The following DNM3 variants were observed in gnomAD, a reference collection of about 807,000 sequenced individuals.
The protein encoded by DNM3 is dynamin-3.
A neutral mutation model predicts 101.6 loss-of-function variants in DNM3; 47 were observed. The observed-to-expected ratio is 0.46, with a 90% CI of 0.37 to 0.59. The LOEUF (loss-of-function observed/expected upper bound fraction) is 0.59, where lower values mean the gene tolerates loss of function less well. Ranked by LOEUF, DNM3 falls within the 20% of genes least tolerant of loss-of-function variation. The pLI is 0.00. For missense variants in DNM3, 849 were observed against 1,085.7 expected (o/e 0.78, Z 3.06); for synonymous variants, 385 against 387.9 (o/e 0.99, Z 0.09).
At chr1:172,027,224 A>G (rs1331486168) in intron 4 of DNM3, among the ~76,000 whole-genome samples, 1 of 152,196 alleles carries the variant, frequency 6.6e-6, no homozygotes, top group Non-Finnish European at 1.5e-5. Flanking sequence ...TCATAATGAC[A>G]GGATCAAATT....
chr1:172,044,511 T>C, intron 9 of DNM3, 59 bp downstream of exon 9: 1 of 1,410,524 alleles, frequency 7.1e-7, no homozygotes, highest in South Asian at 1.3e-5. Context: ...AATTAATGTT[T>C]ATAAATGGCT....
intron 2 of DNM3, among the ~76,000 whole-genome samples, chr1:171,937,662 C>T (rs1160593742): frequency 1.3e-5 from 2 of 152,186 alleles, no homozygotes; most frequent in Non-Finnish European, 2.9e-5. Context: ...CTTGATCTCC[C>T]AGGCTCAACC....
At position 172,020,720 on chromosome 1, in the gene DNM3, T is replaced by TGAAAAA. The variant is rs1558433596; in HGVS notation, c.590-11682_590-11681insGAAAAA. 5.8e-4 allele frequency among the ~76,000 whole-genome samples: 24 copies of TGAAAAA among 41,280 alleles called. No homozygotes were observed. The African/African-American group carries it at 0.011, about 18-fold the overall frequency. 27.1% of individuals were successfully genotyped at this position (41,280 alleles called of 152,430 possible). On this transcript the variant is annotated intron_variant, in intron 4 of 20. Coordinates refer to ENST00000627582, the MANE Select transcript of DNM3 (RefSeq NM_015569.5). ...GCCTGGGCGACAGTGTGAGACTCCG[T>TGAAAAA]CAAAAAAAAAAAAAAAAAAAAAAAG...
chr1:172,346,464 G>A (rs918589055), intron 17 of DNM3, among the ~76,000 whole-genome samples: 13 of 152,172 alleles, frequency 8.5e-5, no homozygotes, highest in African/African-American at 2.2e-4. Flanking sequence ...AATCAGTGAA[G>A]ACATTTAAAC....
intron 1 of DNM3, among the ~76,000 whole-genome samples, chr1:171,866,215 T>G (rs2034730064): frequency 6.6e-6 from 1 of 151,060 alleles, no homozygotes; most frequent in Admixed American, 6.6e-5. Context: ...CTAAATACTC[T>G]TGACAGAATT....
At chr1:172,417,082 TTTG>T (rs537863464), downstream of DNM3, among the ~76,000 whole-genome samples, 461 of 152,212 alleles carry the variant, frequency 3.0e-3, 5 homozygotes, top group African/African-American at 0.011. Context: ...TGTTTTTGTT[TTTG>T]TTTTTTTTTT....
chr1:171,847,921 T>G (rs1457473122), intron 1 of DNM3, among the ~76,000 whole-genome samples: 1 of 151,910 alleles, frequency 6.6e-6, no homozygotes, highest in Non-Finnish European at 1.5e-5. Flanking sequence ...TGTGTGTGTG[T>G]GTGTGTGTGT....
intron 2 of DNM3, among the ~76,000 whole-genome samples, chr1:171,927,568 T>C (rs1482443796): frequency 2.0e-5 from 3 of 152,374 alleles, no homozygotes; most frequent in Admixed American, 2.0e-4. Context: ...CATATGTGAA[T>C]GTTCATTGTA....
intron 4 of DNM3, among the ~76,000 whole-genome samples, chr1:172,021,366 A>C (rs1016759491): frequency 5.3e-5 from 8 of 151,974 alleles, no homozygotes; most frequent in South Asian, 2.1e-4. Flanking sequence ...CCAGCTCCTC[A>C]GGAGGCTGAG....
At chr1:172,271,702 A>G (rs557203242) in intron 15 of DNM3, among the ~76,000 whole-genome samples, 3 of 152,278 alleles carry the variant, frequency 2.0e-5, no homozygotes, top group South Asian at 4.1e-4. Context: ...AATCATATCA[A>G]TGAGCTTTCT....
At chr1:172,232,151 A>G (rs576473520) in intron 14 of DNM3, among the ~76,000 whole-genome samples, 1 of 152,326 alleles carries the variant, frequency 6.6e-6, no homozygotes, top group Non-Finnish European at 1.5e-5. Flanking sequence ...CCCATCTCAC[A>G]TGCAGAGACA....
chr1:171,942,110 G>A (rs1246028917), intron 2 of DNM3, among the ~76,000 whole-genome samples: 1 of 151,638 alleles, frequency 6.6e-6, no homozygotes, highest in Non-Finnish European at 1.5e-5. Context: ...AGTGGACTTA[G>A]CAAAGGTGGC....
At chr1:171,959,264 T>G (rs1454212072) in intron 2 of DNM3, among the ~76,000 whole-genome samples, 1 of 152,120 alleles carries the variant, frequency 6.6e-6, no homozygotes. Context: ...TTATTATTTT[T>G]CATTATATAT....
chr1:171,935,058 A>G (rs570338059), intron 2 of DNM3, among the ~76,000 whole-genome samples: 1 of 152,172 alleles, frequency 6.6e-6, no homozygotes, highest in Non-Finnish European at 1.5e-5. Flanking sequence ...TACTGCTAAT[A>G]TTGCATTTTT....
intron 18 of DNM3, among the ~76,000 whole-genome samples, chr1:172,379,392 A>G (rs541306909): frequency 2.0e-5 from 3 of 152,148 alleles, no homozygotes; most frequent in East Asian, 3.9e-4. Flanking sequence ...GGACTGAGGT[A>G]TTCCCCATTG....
At chr1:172,032,861 C>T (rs368147172) in intron 5 of DNM3, among the ~76,000 whole-genome samples, 25 of 152,168 alleles carry the variant, frequency 1.6e-4, no homozygotes, top group African/African-American at 6.0e-4. Context: ...TACACACTCT[C>T]TTAAAATGTA....
chr1:172,316,323 G>C (rs183111508), intron 16 of DNM3, among the ~76,000 whole-genome samples: 2 of 151,914 alleles, frequency 1.3e-5, no homozygotes, highest in East Asian at 3.9e-4. Context: ...GGAAGGAACT[G>C]CATGAACTAC....
In DNM3 at chr1:172,010,738, G is replaced by C. The variant is rs142091222; in HGVS notation, c.589+21590G>C. On this transcript the variant is annotated intron_variant, in intron 4 of 20. Transcript: ENST00000627582. ...TGTGTGTGTGTAGCTGATGTTCTTT[G>C]AGCTTTAGAATCTGTGAGTTTGTAG... 9.3e-3 allele frequency among the ~76,000 whole-genome samples: 1,284 copies of C among 138,012 alleles called. 18 individuals carry two copies. Among genetic ancestry groups the C allele is most frequent in the African/African-American group, 0.033 (1,205 of 36,678 alleles). 90.5% of individuals were successfully genotyped at this position (138,012 alleles called of 152,430 possible).
chr1:172,217,264 C>G (rs2060735323), intron 14 of DNM3, among the ~76,000 whole-genome samples: 1 of 151,000 alleles, frequency 6.6e-6, no homozygotes, highest in African/African-American at 2.4e-5. Flanking sequence ...CTTCCACTAA[C>G]TCTTATTTTG....
Sources: allele counts gnomAD v4.1 joint callset (sites outside exome capture counted in the v4.1 genomes callset), GRCh38; gene constraint gnomAD v4.1.1; transcripts MANE v1.5; gene names NCBI Gene and HGNC (gene_info 2026-07-23, HGNC 2026-07-21).